The following MAPK10 variants were observed in gnomAD, a reference collection of about 807,000 sequenced individuals.
MAPK10 encodes the protein mitogen-activated protein kinase 10.
A neutral mutation model predicts 59.3 loss-of-function variants in MAPK10; 25 were observed. The observed-to-expected ratio is 0.42, with a 90% confidence interval of 0.31 to 0.59. MAPK10 has a LOEUF of 0.59. Ranked by LOEUF, MAPK10 falls within the 20% of genes least tolerant of loss-of-function variation. The pLI is 0.15. For synonymous variants in MAPK10, 190 were observed against 200.5 expected, an observed-to-expected ratio of 0.95 and a Z score of 0.44; for missense variants, 351 against 568.9, an observed-to-expected ratio of 0.62 and a Z score of 3.90.
At chr4:86,498,383 T>G (rs780757496) in intron 1 of MAPK10, among the ~76,000 whole-genome samples, 8 of 152,204 alleles carry the variant, frequency 5.3e-5, no homozygotes, top group Non-Finnish European at 8.8e-5. Flanking sequence ...ATCGGTTTGA[T>G]TATTTTATCT....
At chr4:86,024,339 C>CT (rs1234788391) in intron 13 of MAPK10, 2 of 152,112 alleles carry the variant, frequency 1.3e-5, no homozygotes, top group African/African-American at 4.8e-5. Context: ...GCCAAAGTAG[C>CT]TTTTAATAAG....
chr4:86,220,323 T>C (rs1170729259), intron 2 of MAPK10, among the ~76,000 whole-genome samples: 1 of 152,114 alleles, frequency 6.6e-6, no homozygotes, highest in African/African-American at 2.4e-5. Flanking sequence ...GCTAAATGCG[T>C]CATCCAGAGT....
intron 1 of MAPK10, among the ~76,000 whole-genome samples, chr4:86,537,850 TTTTC>T (rs1452727691): frequency 6.6e-6 from 1 of 152,228 alleles, no homozygotes; most frequent in African/African-American, 2.4e-5. Context: ...TTATTAATCT[TTTTC>T]TTTATGGTTT....
intron 3 of MAPK10, among the ~76,000 whole-genome samples, chr4:86,186,622 T>C (rs1363285802): frequency 6.6e-6 from 1 of 152,096 alleles, no homozygotes. Context: ...TCATTCTTTA[T>C]TTAAAACACA....
intron 1 of MAPK10, among the ~76,000 whole-genome samples, chr4:86,403,651 G>A (rs1247904480): frequency 1.3e-5 from 2 of 152,208 alleles, no homozygotes; most frequent in Non-Finnish European, 1.5e-5. Flanking sequence ...AGAAGACAAA[G>A]GGGGAGCAAG....
rs573052134 is a variant in MAPK10, at chr4:86,445,251, G to A, written c.-122+7779C>T. Among the ~76,000 whole-genome samples the A allele has an allele frequency of 2.5e-4, 38 of 152,246 alleles. No homozygotes were observed. The South Asian group carries it at 5.8e-3, about 23-fold the overall frequency. On this transcript the variant is annotated intron_variant, in intron 1 of 13. Coordinates refer to the MAPK10 transcript ENST00000361569. Reference sequence around the variant, plus strand: ...ATACTATGTAGCCATAAAAATAAACGAGATCATTTCCTTTGCAGGGACATG... The same window carrying A: ...ATACTATGTAGCCATAAAAATAAACAAGATCATTTCCTTTGCAGGGACATG...
chr4:86,534,885 G>A (rs1758115426), intron 1 of MAPK10, among the ~76,000 whole-genome samples: 1 of 152,066 alleles, frequency 6.6e-6, no homozygotes, highest in Non-Finnish European at 1.5e-5. Flanking sequence ...CAGCCTGGGT[G>A]GCAGAGCGAG....
chr4:86,375,374 T>G (rs1011039601), intron 1 of MAPK10, among the ~76,000 whole-genome samples: 3 of 152,082 alleles, frequency 2.0e-5, no homozygotes, highest in Admixed American at 6.6e-5. Flanking sequence ...CTTGCAGTGA[T>G]GAATTTGGAA....
chr4:86,329,755 C>A (rs372536976), intron 2 of MAPK10, among the ~76,000 whole-genome samples: 1 of 152,138 alleles, frequency 6.6e-6, no homozygotes, highest in African/African-American at 2.4e-5. Context: ...CACCGATAAC[C>A]TCATTTCTAC....
At chr4:86,373,804 A>G (rs1739315510) in intron 1 of MAPK10, among the ~76,000 whole-genome samples, 1 of 152,140 alleles carries the variant, frequency 6.6e-6, no homozygotes, top group African/African-American at 2.4e-5. Context: ...TCCACTGTTG[A>G]TGGGAGTGTA....
intron 2 of MAPK10, among the ~76,000 whole-genome samples, chr4:86,317,570 ACT>A (rs1478076537): frequency 6.6e-6 from 1 of 152,118 alleles, no homozygotes; most frequent in Non-Finnish European, 1.5e-5. Context: ...TAGAGTTCAA[ACT>A]CTGTCTTTTC....
intron 2 of MAPK10, among the ~76,000 whole-genome samples, chr4:86,272,548 A>G (rs1235607280): frequency 2.6e-5 from 4 of 152,042 alleles, no homozygotes; most frequent in Non-Finnish European, 5.9e-5. Flanking sequence ...TTTAAGTGAA[A>G]GATTTTTGCC....
At chr4:86,214,525 A>AAC (rs375343468) in intron 2 of MAPK10, among the ~76,000 whole-genome samples, 4,048 of 146,474 alleles carry the variant, frequency 0.028, 126 homozygotes, top group African/African-American at 0.081. Flanking sequence ...AAAAAAAAAA[A>AAC]AAAAAAAAAA....
chr4:86,471,268 C>A (rs1752636367), intron 1 of MAPK10, among the ~76,000 whole-genome samples: 2 of 138,230 alleles, frequency 1.4e-5, no homozygotes, highest in South Asian at 2.3e-4. Context: ...GACTCTGTGC[C>A]CCCCTGCAAA....
At position 86,021,021 on chromosome 4, in the gene MAPK10, A is replaced by T. The variant is rs541667596; in HGVS notation, c.1253-3651T>A. 1.1e-4 allele frequency among the ~76,000 whole-genome samples: 16 copies of T among 152,242 alleles called. No homozygotes were observed. The South Asian group carries it at 3.1e-3, about 30-fold the overall frequency. ...AGTGGCCTGTTTTGACAGGGTGCTG[A>T]CTGGTGCATTTACAATCCCTGAGCT... is the stretch of plus-strand genomic sequence containing the variant. On this transcript the variant is annotated intron_variant, in intron 13 of 13. Transcript: ENST00000641462.
At chr4:86,528,542 CTTTG>C (rs1422572353) in intron 1 of MAPK10, among the ~76,000 whole-genome samples, 6 of 152,036 alleles carry the variant, frequency 3.9e-5, no homozygotes, top group African/African-American at 9.7e-5. Context: ...TGAGGGGGTT[CTTTG>C]TTTGTTTATT....
intron 2 of MAPK10, among the ~76,000 whole-genome samples, chr4:86,265,636 G>T (rs546255704): frequency 6.6e-6 from 1 of 150,968 alleles, no homozygotes; most frequent in Non-Finnish European, 1.5e-5. Context: ...GAAAGAGAAA[G>T]GAAAGGGTTT....
intron 1 of MAPK10, among the ~76,000 whole-genome samples, chr4:86,436,329 T>C (rs1748712905): frequency 6.6e-6 from 1 of 152,192 alleles, no homozygotes; most frequent in Non-Finnish European, 1.5e-5. Flanking sequence ...TTTCCAATCG[T>C]AGCACATTTG....
chr4:86,206,824 G>A (rs1391907865), intron 2 of MAPK10, among the ~76,000 whole-genome samples: 2 of 152,076 alleles, frequency 1.3e-5, no homozygotes, highest in African/African-American at 4.8e-5. Flanking sequence ...TCATGTGTTT[G>A]TTGGCTGCAT....
Sources: gnomAD v4.1 joint callset for allele counts (sites outside exome capture counted in the v4.1 genomes callset) on GRCh38, gnomAD v4.1.1 for gene constraint, MANE v1.5 for transcripts, NCBI Gene and HGNC (gene_info 2026-07-23, HGNC 2026-07-21) for gene names.